Variants in UGT1A8 observed in about 807,000 individuals in gnomAD.
The protein encoded by UGT1A8 is UDP glucuronosyltransferase family 1 member A8.
A neutral mutation model predicts 45.3 loss-of-function variants in UGT1A8; 39 were observed. The observed-to-expected ratio is 0.86, with a 90% confidence interval of 0.67 to 1.12. The LOEUF is 1.12. Among genes scored for constraint, UGT1A8 ranks in the 50% most tolerant of loss-of-function variants. The probability of loss-of-function intolerance (pLI) is 0.00; values close to 1 mark genes in which losing one functional copy is unlikely to be tolerated. For missense variants in UGT1A8, 719 were observed against 664.9 expected, an observed-to-expected ratio of 1.08 and a Z score of -0.90; for synonymous variants, 275 against 249.2, an observed-to-expected ratio of 1.10 and a Z score of -0.97.
intron 1 of UGT1A8, chr2:233,713,949 T>C: frequency 1.2e-6 from 2 of 1,609,382 alleles, no homozygotes; most frequent in South Asian, 2.2e-5. Flanking sequence ...TATCTACTTA[T>C]CTTTCCAAAG....
chr2:233,737,322 T>C (rs904493315), intron 1 of UGT1A8, among the ~76,000 whole-genome samples: 1 of 152,214 alleles, frequency 6.6e-6, no homozygotes, highest in Admixed American at 6.5e-5. Flanking sequence ...ACTGCTGCAC[T>C]AGCAGTGAGC....
intron 1 of UGT1A8, among the ~76,000 whole-genome samples, chr2:233,620,210 A>T (rs1252636555): frequency 2.0e-5 from 3 of 152,196 alleles, no homozygotes; most frequent in Non-Finnish European, 4.4e-5. Flanking sequence ...GGAAGACTAC[A>T]GTTGTAGGCC....
At chr2:233,626,373 A>C (rs1442970416) in intron 1 of UGT1A8, among the ~76,000 whole-genome samples, 7 of 152,058 alleles carry the variant, frequency 4.6e-5, no homozygotes, top group East Asian at 1.9e-4. Flanking sequence ...GGAAAGCACT[A>C]ATCTCTATCA....
chr2:233,637,005 C>T, intron 1 of UGT1A8: 1 of 1,613,986 alleles, frequency 6.2e-7, no homozygotes, highest in Non-Finnish European at 8.5e-7. Flanking sequence ...CTAAATATTT[C>T]TCCCTCCCCT....
intron 1 of UGT1A8, 85 bp from the exon 2 acceptor site, chr2:233,766,949 G>A: frequency 6.2e-7 from 1 of 1,600,626 alleles, no homozygotes. Context: ...GTCTTAAGAG[G>A]AAGATATCTA....
At chr2:233,655,141 A>G (rs2073829416) in intron 1 of UGT1A8, among the ~76,000 whole-genome samples, 1 of 152,130 alleles carries the variant, frequency 6.6e-6, no homozygotes, top group Non-Finnish European at 1.5e-5. Flanking sequence ...AGAAAGAAAG[A>G]AAGAAAAAGT....
At chr2:233,747,148 TGAA>T in intron 1 of UGT1A8, 1 of 1,570,870 alleles carries the variant, frequency 6.4e-7, no homozygotes, top group South Asian at 1.2e-5. Context: ...GTAATTAAGA[TGAA>T]GAAAACAAAT....
At chr2:233,676,139 C>G (rs117461187) in intron 1 of UGT1A8, among the ~76,000 whole-genome samples, 1 of 152,138 alleles carries the variant, frequency 6.6e-6, no homozygotes, top group East Asian at 1.9e-4. Context: ...GGTCCTTGAG[C>G]TCCAGCGTCA....
At chr2:233,640,538 C>T (rs1469887338) in intron 1 of UGT1A8, among the ~76,000 whole-genome samples, 1 of 152,146 alleles carries the variant, frequency 6.6e-6, no homozygotes, top group Admixed American at 6.6e-5. Context: ...TTATGTTGAT[C>T]TATGGAACAG....
chr2:233,747,102 A>G, intron 1 of UGT1A8: 2 of 1,361,188 alleles, frequency 1.5e-6, no homozygotes, highest in African/African-American at 2.9e-5. Context: ...CTATCTTCCA[A>G]TTACATGATG....
At chr2:233,618,802 G>T (rs891265778) in intron 1 of UGT1A8, among the ~76,000 whole-genome samples, 1 of 151,908 alleles carries the variant, frequency 6.6e-6, no homozygotes, top group Admixed American at 6.6e-5. Flanking sequence ...TTACATTTTT[G>T]AGTACCATGT....
intron 1 of UGT1A8, among the ~76,000 whole-genome samples, chr2:233,726,140 C>T (rs529901709): frequency 3.9e-5 from 6 of 152,258 alleles, no homozygotes; most frequent in Non-Finnish European, 7.4e-5. Flanking sequence ...CACTCCAGCC[C>T]GAGTGACAGA....
At chr2:233,671,920 A>T in intron 1 of UGT1A8, 1 of 1,593,910 alleles carries the variant, frequency 6.3e-7, no homozygotes, top group East Asian at 2.2e-5. Context: ...GCTTGCTCTC[A>T]GCTGCAGTTC....
chr2:233,668,011 T>C (rs914662867), intron 1 of UGT1A8, among the ~76,000 whole-genome samples: 1 of 152,152 alleles, frequency 6.6e-6, no homozygotes, highest in Admixed American at 6.5e-5. Flanking sequence ...AATTCCCATA[T>C]ATCTTTTGCC....
intron 1 of UGT1A8, among the ~76,000 whole-genome samples, chr2:233,734,862 C>T (rs1280168224): frequency 6.6e-6 from 1 of 152,224 alleles, no homozygotes; most frequent in Admixed American, 6.5e-5. Flanking sequence ...AATTTGACTG[C>T]ACTATGGTCT....
intron 1 of UGT1A8, among the ~76,000 whole-genome samples, chr2:233,637,954 T>A (rs1235661903): frequency 6.6e-6 from 1 of 152,214 alleles, no homozygotes; most frequent in Non-Finnish European, 1.5e-5. Flanking sequence ...TGTAGTTTTT[T>A]AACCAATTAA....
chr2:233,636,880 T>A, intron 1 of UGT1A8: 1 of 1,614,090 alleles, frequency 6.2e-7, no homozygotes, highest in Admixed American at 1.7e-5. Flanking sequence ...TCTTGACTTA[T>A]TTTTTTCGCA....
intron 1 of UGT1A8, among the ~76,000 whole-genome samples, chr2:233,664,460 T>C (rs2074034832): frequency 6.6e-6 from 1 of 152,218 alleles, no homozygotes; most frequent in South Asian, 2.1e-4. Flanking sequence ...GGGTAATTTA[T>C]AAATAAAAGA....
intron 1 of UGT1A8, among the ~76,000 whole-genome samples, chr2:233,694,153 A>T (rs1344933660): frequency 2.0e-5 from 3 of 152,202 alleles, no homozygotes; most frequent in African/African-American, 7.2e-5. Flanking sequence ...GAAATGTCCC[A>T]GTTCAAACAG....
Sources: gnomAD v4.1 joint callset for allele counts (sites outside exome capture counted in the v4.1 genomes callset) on GRCh38, gnomAD v4.1.1 for gene constraint, MANE v1.5 for transcripts, NCBI Gene and HGNC (gene_info 2026-07-23, HGNC 2026-07-21) for gene names.